SLC35F4: variants seen among roughly 807,000 people sequenced by gnomAD.
SLC35F4 encodes solute carrier family 35 member F4, also known as chromosome 14 open reading frame 36.
In SLC35F4, 24 loss-of-function variants were observed where a neutral mutation model predicts 44.2. The ratio of observed to expected loss-of-function variants is 0.54; its 90% CI spans 0.39 to 0.76. The LOEUF is 0.76. SLC35F4 is among the 30% of genes least tolerant of loss of function. The probability of loss-of-function intolerance (pLI) is 0.00; values close to 1 mark genes in which losing one functional copy is unlikely to be tolerated. For missense variants in SLC35F4, 562 were observed against 586.1 expected (o/e 0.96, Z 0.42); for synonymous variants, 238 against 223.6 (o/e 1.06, Z -0.57).
intron 3 of SLC35F4, among the ~76,000 whole-genome samples, chr14:57,583,505 A>C (rs2069453069): frequency 6.6e-6 from 1 of 152,170 alleles, no homozygotes; most frequent in African/African-American, 2.4e-5. Context: ...TCCTAAGCAA[A>C]GATTTTGGAT....
chr14:57,591,719 G>GA (rs2070193662), intron 2 of SLC35F4, among the ~76,000 whole-genome samples: 1 of 152,104 alleles, frequency 6.6e-6, no homozygotes, highest in Admixed American at 6.5e-5. Flanking sequence ...ACTAGTTTGG[G>GA]AAAAAAGTTC....
intron 1 of SLC35F4, among the ~76,000 whole-genome samples, chr14:57,634,096 A>G (rs1309449286): frequency 1.3e-5 from 2 of 152,154 alleles, no homozygotes; most frequent in African/African-American, 4.8e-5. Context: ...TTTAGCAGCA[A>G]CAACCACAAC....
At chr14:57,716,109 A>C (rs1324338295) in intron 1 of SLC35F4, among the ~76,000 whole-genome samples, 1 of 152,182 alleles carries the variant, frequency 6.6e-6, no homozygotes, top group Non-Finnish European at 1.5e-5. Flanking sequence ...AGGAATGGTG[A>C]ACACCACTGT....
At chr14:57,900,804 A>G (rs1888983955) in intron 1 of SLC35F4, among the ~76,000 whole-genome samples, 1 of 152,230 alleles carries the variant, frequency 6.6e-6, no homozygotes, top group Admixed American at 6.5e-5. Flanking sequence ...TCCAGAATCT[A>G]CAAGGAACTT....
At chr14:57,961,439 C>G (rs1358957561) in intron 1 of SLC35F4, among the ~76,000 whole-genome samples, 1 of 152,110 alleles carries the variant, frequency 6.6e-6, no homozygotes, top group East Asian at 1.9e-4. Context: ...TATGAAACCA[C>G]AGGGCAAGTC....
At chr14:57,681,883 CAT>C (rs1251243682) in intron 1 of SLC35F4, among the ~76,000 whole-genome samples, 1 of 151,304 alleles carries the variant, frequency 6.6e-6, no homozygotes, top group Non-Finnish European at 1.5e-5. Flanking sequence ...GGCCAATAAA[CAT>C]AGGAAAAAAA....
intron 1 of SLC35F4, among the ~76,000 whole-genome samples, chr14:57,617,250 C>T (rs1186418110): frequency 1.3e-5 from 2 of 149,492 alleles, no homozygotes; most frequent in African/African-American, 4.9e-5. Context: ...CCTGCCTCAG[C>T]CTCCCGAGTA....
At chr14:57,615,479 CA>C (rs2071761792) in intron 1 of SLC35F4, among the ~76,000 whole-genome samples, 1 of 151,392 alleles carries the variant, frequency 6.6e-6, no homozygotes, top group Non-Finnish European at 1.5e-5. Context: ...TGGCTTTTGC[CA>C]AAGGACATAG....
chr14:57,754,369 T>C (rs140541761), intron 1 of SLC35F4, among the ~76,000 whole-genome samples: 1 of 152,258 alleles, frequency 6.6e-6, no homozygotes, highest in African/African-American at 2.4e-5. Flanking sequence ...CCTCCCAAAG[T>C]ACTGGGATTA....
At chr14:57,891,478 TTA>T (rs200831792) in intron 1 of SLC35F4, among the ~76,000 whole-genome samples, 4 of 150,752 alleles carry the variant, frequency 2.7e-5, no homozygotes, top group Admixed American at 1.3e-4. Context: ...CCCCCAAATC[TTA>T]TATATATATA....
At chr14:57,950,527 A>T (rs1890115722) in intron 1 of SLC35F4, among the ~76,000 whole-genome samples, 1 of 152,064 alleles carries the variant, frequency 6.6e-6, no homozygotes, top group Admixed American at 6.5e-5. Context: ...TTTCTCTGGC[A>T]ATTCAGATTT....
At chr14:57,767,846 A>C (rs975221544) in intron 1 of SLC35F4, among the ~76,000 whole-genome samples, 1 of 152,190 alleles carries the variant, frequency 6.6e-6, no homozygotes, top group African/African-American at 2.4e-5. Flanking sequence ...AAAATCCTTC[A>C]GCCATTAAAA....
chr14:57,572,157 G>C, intron 4 of SLC35F4, 138 bp from the exon 5 acceptor site: 1 of 954,510 alleles, frequency 1.0e-6, no homozygotes, highest in Non-Finnish European at 1.5e-6. Flanking sequence ...AATGTAGGAA[G>C]GCTCAGTATT....
chr14:57,651,103 G>T (rs552906389), intron 1 of SLC35F4, among the ~76,000 whole-genome samples: 35 of 152,050 alleles, frequency 2.3e-4, no homozygotes, highest in Non-Finnish European at 3.8e-4. Context: ...CACTGGTATA[G>T]TGCCTCCCTC....
intron 1 of SLC35F4, among the ~76,000 whole-genome samples, chr14:57,944,485 C>G (rs979181403): frequency 2.0e-5 from 3 of 152,068 alleles, no homozygotes; most frequent in Admixed American, 1.3e-4. Flanking sequence ...TCCCTCATCC[C>G]TCTCCTCTAT....
chr14:57,838,736 A>T (rs978218519), intron 1 of SLC35F4, among the ~76,000 whole-genome samples: 14 of 152,282 alleles, frequency 9.2e-5, no homozygotes, highest in Non-Finnish European at 2.1e-4. Context: ...AACTATAAGA[A>T]CTTTTTTTTA....
intron 1 of SLC35F4, among the ~76,000 whole-genome samples, chr14:57,897,202 C>T (rs1888891925): frequency 6.6e-6 from 1 of 152,068 alleles, no homozygotes; most frequent in South Asian, 2.1e-4. Context: ...TTTGTCACAT[C>T]AGGACTGTTA....
chr14:57,698,435 T>C (rs2075443970), intron 1 of SLC35F4, among the ~76,000 whole-genome samples: 1 of 152,204 alleles, frequency 6.6e-6, no homozygotes, highest in African/African-American at 2.4e-5. Context: ...TTTTTGGTTT[T>C]GTTTTTTAAT....
intron 1 of SLC35F4, among the ~76,000 whole-genome samples, chr14:57,909,241 T>C (rs941774285): frequency 3.3e-5 from 5 of 152,130 alleles, no homozygotes; most frequent in East Asian, 3.8e-4. Context: ...CCCCACCCCA[T>C]AGTGGTATAT....
Sources: gnomAD v4.1 joint callset for allele counts (sites outside exome capture counted in the v4.1 genomes callset) on GRCh38, gnomAD v4.1.1 for gene constraint, MANE v1.5 for transcripts, NCBI Gene and HGNC (gene_info 2026-07-23, HGNC 2026-07-21) for gene names.